Variants in WDR7 observed in about 807,000 individuals in gnomAD.
The protein encoded by WDR7 is WD repeat-containing protein 7.
Under a neutral mutation model 169.4 loss-of-function variants are expected in WDR7, and 46 were observed. That is an observed-to-expected ratio of 0.27 (90% CI 0.21 to 0.35). WDR7 has a LOEUF of 0.35. Among genes scored for constraint, WDR7 ranks in the 10% least tolerant of loss-of-function variants. The probability of loss-of-function intolerance (pLI) is 1.00; values close to 1 mark genes in which losing one functional copy is unlikely to be tolerated. For synonymous variants in WDR7, 612 were observed against 666.8 expected, an observed-to-expected ratio of 0.92 and a Z score of 1.27; for missense variants, 1,534 against 1,859.3, an observed-to-expected ratio of 0.83 and a Z score of 3.22.
intron 26 of WDR7, among the ~76,000 whole-genome samples, chr18:56,992,973 A>G (rs1232846686): frequency 6.6e-6 from 1 of 152,222 alleles, no homozygotes; most frequent in African/African-American, 2.4e-5. Flanking sequence ...GATTCAAACT[A>G]CAAGCTGACT....
chr18:56,794,517 A>G (rs141735367), intron 19 of WDR7, among the ~76,000 whole-genome samples: 3,995 of 151,580 alleles, frequency 0.026, 73 homozygotes, highest in African/African-American at 0.051. Flanking sequence ...CATTGTGCTA[A>G]CAAGGATGGT....
chr18:56,998,465 G>T (rs2047929939), intron 26 of WDR7, among the ~76,000 whole-genome samples: 1 of 152,188 alleles, frequency 6.6e-6, no homozygotes, highest in Non-Finnish European at 1.5e-5. Context: ...ATAATGATCT[G>T]CAGGGAAAGA....
At chr18:57,008,115 G>A (rs1393982188) in intron 26 of WDR7, among the ~76,000 whole-genome samples, 1 of 152,002 alleles carries the variant, frequency 6.6e-6, no homozygotes, top group Non-Finnish European at 1.5e-5. Flanking sequence ...CCTTCCCACT[G>A]ATCCCTATCC....
chr18:56,734,246 TATCTC>T, intron 14 of WDR7, among the ~76,000 whole-genome samples: 1 of 152,322 alleles, frequency 6.6e-6, no homozygotes, highest in East Asian at 1.9e-4. Context: ...ATCCTGGACT[TATCTC>T]AGCTTTATCC....
At chr18:56,839,162 ATT>A (rs1488228001) in intron 20 of WDR7, among the ~76,000 whole-genome samples, 4 of 152,104 alleles carry the variant, frequency 2.6e-5, no homozygotes, top group Non-Finnish European at 4.4e-5. Context: ...AGTTGTACAT[ATT>A]TTTAGGTACA....
chr18:56,815,639 T>C (rs1317136315), intron 19 of WDR7, among the ~76,000 whole-genome samples: 1 of 152,214 alleles, frequency 6.6e-6, no homozygotes, highest in African/African-American at 2.4e-5. Context: ...TCCCAAGTTA[T>C]AAACAAACTA....
chr18:56,883,692 C>T (rs1255671542), intron 21 of WDR7, among the ~76,000 whole-genome samples: 1 of 151,950 alleles, frequency 6.6e-6, no homozygotes, highest in Non-Finnish European at 1.5e-5. Context: ...TCCTGAATGT[C>T]CATTGTATCA....
At chr18:56,690,564 C>T (rs146741289) in intron 7 of WDR7, among the ~76,000 whole-genome samples, 4,971 of 152,168 alleles carry the variant, frequency 0.033, 268 homozygotes, top group African/African-American at 0.11. Flanking sequence ...CCTGTAATCC[C>T]AGCACTTTAG....
chr18:56,903,058 G>T (rs1028000517), intron 21 of WDR7, among the ~76,000 whole-genome samples: 6 of 152,116 alleles, frequency 3.9e-5, no homozygotes, highest in African/African-American at 1.4e-4. Context: ...AAATATCAAG[G>T]TGATTGCCCG....
chr18:56,861,278 A>T (rs543237508), intron 20 of WDR7, among the ~76,000 whole-genome samples: 1 of 152,146 alleles, frequency 6.6e-6, no homozygotes, highest in Non-Finnish European at 1.5e-5. Flanking sequence ...ACAACCTTCA[A>T]CTTGATTCGT....
intron 26 of WDR7, among the ~76,000 whole-genome samples, chr18:56,969,634 A>G (rs2047456166): frequency 6.6e-6 from 1 of 152,230 alleles, no homozygotes; most frequent in African/African-American, 2.4e-5. Context: ...AATGCTGAAG[A>G]CAGTCCACAT....
At chr18:57,003,478 A>T (rs2048011539) in intron 26 of WDR7, among the ~76,000 whole-genome samples, 1 of 152,064 alleles carries the variant, frequency 6.6e-6, no homozygotes, top group African/African-American at 2.4e-5. Flanking sequence ...AGAGAGAGTG[A>T]TCTAGTTATT....
chr18:56,749,216 T>C (rs1273287465), intron 14 of WDR7, among the ~76,000 whole-genome samples: 1 of 152,078 alleles, frequency 6.6e-6, no homozygotes, highest in African/African-American at 2.4e-5. Context: ...TGCCAAAATA[T>C]TATTAGGCAA....
chr18:56,912,058 A>C (rs1353599444), intron 21 of WDR7, among the ~76,000 whole-genome samples: 1 of 152,216 alleles, frequency 6.6e-6, no homozygotes, highest in Non-Finnish European at 1.5e-5. Context: ...ATCTGTGGCA[A>C]GCCCCCCTTC....
At position 56,962,465 on chromosome 18, in the gene WDR7, G is replaced by A. The variant is rs1253922269; in HGVS notation, c.4100G>A (p.Arg1367Lys). ...YMVSYYERNHRIAVGARHGSV... is the reference protein window; with the variant it reads ...YMVSYYERNHKIAVGARHGSV... ...GTCAGCTATTATGAGCGGAATCACA[G>A]AATAGCAGTTGGAGCTCGCCATGGT... is the stretch of plus-strand genomic sequence containing the variant. The change falls in exon 26 of 28, where the codon AGA becomes AAA. Residue 1367 changes from arginine to lysine, a missense_variant. Transcript: ENST00000254442. 1.9e-6 allele frequency: 3 copies of A among 1,612,964 alleles called. No homozygotes were observed. In the Admixed American group the frequency reaches 5.0e-5, roughly 27 times the overall value.
intron 1 of WDR7, among the ~76,000 whole-genome samples, chr18:56,668,714 T>C (rs1179285002): frequency 1.3e-5 from 2 of 152,190 alleles, no homozygotes; most frequent in Admixed American, 6.5e-5. Flanking sequence ...TAAATTGTTA[T>C]ATTTGCATTG....
intron 1 of WDR7, among the ~76,000 whole-genome samples, chr18:56,664,106 A>T (rs1228266507): frequency 1.3e-5 from 2 of 152,210 alleles, no homozygotes; most frequent in Non-Finnish European, 2.9e-5. Flanking sequence ...TCAACAATCG[A>T]TTAATGTCAA....
chr18:56,992,583 A>G (rs2047833714), intron 26 of WDR7, among the ~76,000 whole-genome samples: 1 of 152,242 alleles, frequency 6.6e-6, no homozygotes, highest in African/African-American at 2.4e-5. Flanking sequence ...AGGAGTATGA[A>G]TTGGAAGTTA....
chr18:56,949,663 T>C (rs1385847970), intron 25 of WDR7, among the ~76,000 whole-genome samples: 1 of 152,198 alleles, frequency 6.6e-6, no homozygotes, highest in African/African-American at 2.4e-5. Flanking sequence ...TTTTTAAAGG[T>C]TAGTTGCAGT....
Sources: gnomAD v4.1 joint callset for allele counts (sites outside exome capture counted in the v4.1 genomes callset) on GRCh38, gnomAD v4.1.1 for gene constraint, MANE v1.5 for transcripts, NCBI Gene and HGNC (gene_info 2026-07-23, HGNC 2026-07-21) for gene names.